Variants in FANCC observed in about 807,000 individuals in gnomAD.
FANCC encodes the protein Fanconi anemia group C protein.
In FANCC, 55 loss-of-function variants were observed where a neutral mutation model predicts 71.3. The observed-to-expected ratio is 0.77, with a 90% CI of 0.62 to 0.97. The LOEUF (loss-of-function observed/expected upper bound fraction) is 0.97, where lower values mean the gene tolerates loss of function less well. Among genes scored for constraint, FANCC ranks in the 50% least tolerant of loss-of-function variants. The pLI is 0.00. For missense variants in FANCC, 678 were observed against 670.9 expected (o/e 1.01, Z -0.12); for synonymous variants, 275 against 244.9 (o/e 1.12, Z -1.15).
rs544149167 is a variant in FANCC, at chr9:95,316,629, G to A, written c.-79+897C>T. 1.4e-4 allele frequency among the ~76,000 whole-genome samples: 22 copies of A among 152,276 alleles called. No individual in the cohort carries two copies. In the South Asian group the frequency reaches 4.6e-3, roughly 32 times the overall value. Reference sequence around the variant, plus strand: ...CGGGAGTTTTCCAAGTTTCAGATTAGAACAAAAGTCCAGGCACATACAGGA... The same window carrying A: ...CGGGAGTTTTCCAAGTTTCAGATTAAAACAAAAGTCCAGGCACATACAGGA... On this transcript the variant is annotated intron_variant, in intron 1 of 14. Coordinates refer to ENST00000289081, the MANE Select transcript of FANCC (RefSeq NM_000136.3).
At chr9:95,123,377 C>T (rs751511023) in intron 10 of FANCC, 7 of 411,058 alleles carry the variant, frequency 1.7e-5, no homozygotes, top group South Asian at 1.3e-4. Flanking sequence ...TGGTGGCTCA[C>T]ACCTGTAACC....
At position 95,099,328 on chromosome 9, in the gene FANCC, G is replaced by A. The variant is rs188879574; in HGVS notation, c.*2379C>T. 9.7e-5 allele frequency: 22 copies of A among 226,880 alleles called. No homozygotes were observed. The East Asian group carries it at 1.4e-3, about 14-fold the overall frequency. The allele number at this position is 226,880 out of a possible 1,614,324, so 14.1% of individuals were successfully genotyped here. On this transcript the variant is annotated 3_prime_UTR_variant, in exon 15 of 15. Coordinates refer to ENST00000289081, the MANE Select transcript of FANCC (RefSeq NM_000136.3). ...ACCCTGTCGCACCTCTGAAGACCTTGGTCCAGTTCCTTCCAGGGTGGCTTC... is the reference window on the plus strand; with the variant it reads ...ACCCTGTCGCACCTCTGAAGACCTTAGTCCAGTTCCTTCCAGGGTGGCTTC...
intron 4 of FANCC, among the ~76,000 whole-genome samples, chr9:95,184,603 G>T (rs1283092224): frequency 6.6e-6 from 1 of 152,196 alleles, no homozygotes; most frequent in Non-Finnish European, 1.5e-5. Context: ...ATGTCACAAA[G>T]ATGTCAGTTC....
At chr9:95,165,796 T>C (rs763294446) in intron 6 of FANCC, among the ~76,000 whole-genome samples, 6 of 152,052 alleles carry the variant, frequency 3.9e-5, no homozygotes, top group Admixed American at 6.5e-5. Context: ...TTAGGTCCAA[T>C]TGGTCCACAG....
intron 1 of FANCC, chr9:95,292,797 C>T: frequency 6.4e-7 from 1 of 1,554,646 alleles, no homozygotes; most frequent in Non-Finnish European, 8.9e-7. Context: ...CGTAAAACAG[C>T]ACTTTATGAA....
intron 1 of FANCC, among the ~76,000 whole-genome samples, chr9:95,260,277 C>T (rs1189916515): frequency 1.3e-5 from 2 of 152,170 alleles, no homozygotes; most frequent in African/African-American, 2.4e-5. Flanking sequence ...ATAGCAAAGA[C>T]TTGGAACCAA....
intron 1 of FANCC, among the ~76,000 whole-genome samples, chr9:95,255,284 G>A (rs975235935): frequency 3.3e-5 from 5 of 152,018 alleles, no homozygotes; most frequent in Admixed American, 1.3e-4. Context: ...AGCAGGGGTC[G>A]ACAGACACCT....
At chr9:95,314,578 G>A (rs1296262642) in intron 1 of FANCC, among the ~76,000 whole-genome samples, 2 of 151,996 alleles carry the variant, frequency 1.3e-5, no homozygotes, top group Non-Finnish European at 2.9e-5. Flanking sequence ...CTTGAACCCG[G>A]GAGGCGGAGA....
Position 95,099,189 on chromosome 9 carries a change from T to G in FANCC, c.*2518A>C, listed in dbSNP as rs2071001555. On this transcript the variant is annotated 3_prime_UTR_variant, in exon 15 of 15. Coordinates refer to ENST00000289081, the MANE Select transcript of FANCC (RefSeq NM_000136.3). ...TGGTTGGAGGGGCGCTCTCCGCCTC[T>G]TCTGTATTTTTGGCTCTCTCTGAGG... The G allele has an allele frequency of 4.6e-6, 1 of 216,990 alleles. No individual in the cohort carries two copies. The highest frequency in any genetic ancestry group is 5.8e-5 in the Admixed American group (1 of 17,164). The allele number at this position is 216,990 out of a possible 1,614,324, so 13.4% of individuals were successfully genotyped here.
chr9:95,208,711 T>G (rs1305611174), intron 4 of FANCC, among the ~76,000 whole-genome samples: 1 of 152,130 alleles, frequency 6.6e-6, no homozygotes, highest in Non-Finnish European at 1.5e-5. Context: ...CCTATTAAAA[T>G]GGCCCAAATC....
intron 6 of FANCC, among the ~76,000 whole-genome samples, chr9:95,152,261 G>A (rs1397344089): frequency 1.3e-5 from 2 of 152,220 alleles, no homozygotes; most frequent in East Asian, 3.8e-4. Context: ...ATGCAAAGAT[G>A]ACAATGTCTC....
chr9:95,256,750 A>G (rs1831680357), intron 1 of FANCC, among the ~76,000 whole-genome samples: 1 of 152,222 alleles, frequency 6.6e-6, no homozygotes, highest in South Asian at 2.1e-4. Flanking sequence ...TGCAAATTCA[A>G]TAAAAAGTCA....
intron 10 of FANCC, among the ~76,000 whole-genome samples, chr9:95,119,370 T>C (rs1017082436): frequency 2.0e-5 from 3 of 151,676 alleles, no homozygotes; most frequent in Non-Finnish European, 2.9e-5. Flanking sequence ...CTTTTCTTTT[T>C]TTTTTTTTTT....
At chr9:95,235,584 C>A (rs1830269840) in intron 4 of FANCC, among the ~76,000 whole-genome samples, 1 of 152,136 alleles carries the variant, frequency 6.6e-6, no homozygotes, top group East Asian at 1.9e-4. Context: ...GTGGCTCACG[C>A]CTGTAATCCC....
chr9:95,275,713 G>A (rs1832994473), intron 1 of FANCC, among the ~76,000 whole-genome samples: 1 of 152,146 alleles, frequency 6.6e-6, no homozygotes, highest in African/African-American at 2.4e-5. Context: ...AGGAATAGGA[G>A]GAAGTGTAGC....
chr9:95,170,384 G>T (rs1295486662), intron 6 of FANCC, among the ~76,000 whole-genome samples: 6 of 143,504 alleles, frequency 4.2e-5, no homozygotes, highest in Non-Finnish European at 9.1e-5. Context: ...GCTTGAATTA[G>T]CAATAGCTTT....
intron 3 of FANCC, among the ~76,000 whole-genome samples, chr9:95,247,024 G>A (rs1285957960): frequency 6.6e-6 from 1 of 152,192 alleles, no homozygotes; most frequent in Admixed American, 6.5e-5. Context: ...ATGGGAAAGA[G>A]TGTGTGAGTT....
intron 7 of FANCC, chr9:95,145,221 G>A (rs1206305238): frequency 6.6e-6 from 1 of 152,094 alleles, no homozygotes; most frequent in Non-Finnish European, 1.5e-5. Context: ...TTTTCCAAAC[G>A]CAACAAACAA....
intron 7 of FANCC, among the ~76,000 whole-genome samples, chr9:95,144,003 C>A (rs1829150573): frequency 1.3e-5 from 2 of 152,138 alleles, no homozygotes; most frequent in Non-Finnish European, 2.9e-5. Flanking sequence ...AAGACACCAG[C>A]CAATTGTCAA....
Sources: gnomAD v4.1 joint callset for allele counts (sites outside exome capture counted in the v4.1 genomes callset) on GRCh38, gnomAD v4.1.1 for gene constraint, MANE v1.5 for transcripts, NCBI Gene and HGNC (gene_info 2026-07-23, HGNC 2026-07-21) for gene names.